The following ZRANB3 variants were observed in gnomAD, a reference collection of about 807,000 sequenced individuals.
The protein encoded by ZRANB3 is zinc finger RANBP2-type containing 3.
In ZRANB3, 125 loss-of-function variants were observed where a neutral mutation model predicts 133.8. The ratio of observed to expected loss-of-function variants is 0.93; its 90% CI spans 0.81 to 1.08. The LOEUF is 1.08. Among genes scored for constraint, ZRANB3 ranks in the 50% least tolerant of loss-of-function variants. ZRANB3 has a pLI of 0.00. For synonymous variants in ZRANB3, 387 were observed against 432.7 expected (o/e 0.89, Z 1.31); for missense variants, 1,229 against 1,275.5 (o/e 0.96, Z 0.56).
At chr2:135,287,572 G>T (rs1226337366) in intron 8 of ZRANB3, among the ~76,000 whole-genome samples, 1 of 149,768 alleles carries the variant, frequency 6.7e-6, no homozygotes, top group Non-Finnish European at 1.5e-5. Flanking sequence ...GTGTTGACGT[G>T]TTTCCATTTG....
rs1414445158 is a variant in ZRANB3, at chr2:135,353,642, T to A, written c.181-14A>T. ...TCCTAGACCCATCTAAATTAAAAAATAAATAAATGTTAATAATAGAGCCTA... is the reference window on the plus strand; with the variant it reads ...TCCTAGACCCATCTAAATTAAAAAAAAAATAAATGTTAATAATAGAGCCTA... On this transcript the variant is annotated splice_polypyrimidine_tract_variant and intron_variant, in intron 3 of 20. Transcript: ENST00000264159. 3.6e-6 allele frequency: 5 copies of A among 1,401,642 alleles called. No homozygotes were observed. The highest frequency in any genetic ancestry group is 1.6e-5 in the South Asian group (1 of 61,118). The allele number at this position is 1,401,642 out of a possible 1,614,324, so 86.8% of individuals were successfully genotyped here. A position where few individuals can be genotyped will look rare whatever the true frequency, so the allele number is the denominator to read the frequency against.
intron 8 of ZRANB3, among the ~76,000 whole-genome samples, chr2:135,305,242 G>A (rs1205145366): frequency 1.3e-5 from 2 of 152,184 alleles, no homozygotes; most frequent in Non-Finnish European, 1.5e-5. Context: ...TTACAGGCGT[G>A]AGCCACTGTG....
At chr2:135,495,760 G>T (rs980055912) in intron 2 of ZRANB3, among the ~76,000 whole-genome samples, 97 of 152,200 alleles carry the variant, frequency 6.4e-4, no homozygotes, top group African/African-American at 2.2e-3. Flanking sequence ...TTAGAAAGAG[G>T]CCTACTCTGA....
At chr2:135,392,402 A>G (rs1429750281) in intron 2 of ZRANB3, among the ~76,000 whole-genome samples, 1 of 148,994 alleles carries the variant, frequency 6.7e-6, no homozygotes, top group Non-Finnish European at 1.5e-5. Flanking sequence ...TTGTTCCTTT[A>G]TTCCCAGTTG....
At chr2:135,518,056 C>T (rs949213740) in intron 1 of ZRANB3, among the ~76,000 whole-genome samples, 2 of 152,080 alleles carry the variant, frequency 1.3e-5, no homozygotes, top group African/African-American at 4.8e-5. Flanking sequence ...TTGTTTACAC[C>T]GTGAGGGGAA....
At chr2:135,268,819 C>A in intron 11 of ZRANB3, 143 bp downstream of exon 11, 1 of 739,100 alleles carries the variant, frequency 1.4e-6, no homozygotes, top group Non-Finnish European at 2.1e-6. Flanking sequence ...GAAGCCTTTT[C>A]TTAACTTGGT....
At chr2:135,404,945 A>G (rs1687934860) in intron 2 of ZRANB3, among the ~76,000 whole-genome samples, 4 of 152,232 alleles carry the variant, frequency 2.6e-5, no homozygotes, top group Admixed American at 6.5e-5. Context: ...CATTATAATG[A>G]CAGGATCAAA....
intron 2 of ZRANB3, among the ~76,000 whole-genome samples, chr2:135,466,556 T>TAA (rs930264828): frequency 8.5e-5 from 13 of 152,126 alleles, no homozygotes; most frequent in East Asian, 7.7e-4. Context: ...AACTTGCCAC[T>TAA]AAAAGCTGTT....
intron 2 of ZRANB3, among the ~76,000 whole-genome samples, chr2:135,485,887 A>G (rs1261677365): frequency 6.6e-6 from 1 of 152,186 alleles, no homozygotes; most frequent in Non-Finnish European, 1.5e-5. Flanking sequence ...TTCTTCTTAT[A>G]TCTCCTCAGA....
In ZRANB3 at chr2:135,429,997, C is replaced by G. The variant is rs190702800; in HGVS notation, c.162-39177G>C. ...CAGTAGTTAGGCAACATGGTGAAAA[C>G]CTGTCTCTACAAAAAATTCTTAAAA... On this transcript the variant is annotated intron_variant, in intron 2 of 20. Transcript: ENST00000264159. 5.6e-3 allele frequency among the ~76,000 whole-genome samples: 849 copies of G among 151,842 alleles called. 7 individuals carry two copies. Among genetic ancestry groups the G allele is most frequent in the African/African-American group, 0.019 (792 of 41,410 alleles).
At chr2:135,222,227 AC>A (rs1427172906) in intron 15 of ZRANB3, among the ~76,000 whole-genome samples, 1 of 151,882 alleles carries the variant, frequency 6.6e-6, no homozygotes, top group Non-Finnish European at 1.5e-5. Flanking sequence ...ACACAGTGGA[AC>A]CCTGTCTCTA....
At chr2:135,496,825 C>G (rs1363409686) in intron 2 of ZRANB3, among the ~76,000 whole-genome samples, 1 of 152,154 alleles carries the variant, frequency 6.6e-6, no homozygotes, top group East Asian at 1.9e-4. Flanking sequence ...TTTTGAAAGT[C>G]TTCAGGCTTC....
intron 8 of ZRANB3, among the ~76,000 whole-genome samples, chr2:135,295,814 T>G (rs991000056): frequency 1.3e-5 from 2 of 152,210 alleles, no homozygotes; most frequent in African/African-American, 2.4e-5. Flanking sequence ...CTGTAAAGGA[T>G]TTTATTTCTC....
intron 2 of ZRANB3, among the ~76,000 whole-genome samples, chr2:135,395,437 G>C (rs988543773): frequency 7.1e-6 from 1 of 140,818 alleles, no homozygotes; most frequent in Admixed American, 7.1e-5. Context: ...AATGGGCAAA[G>C]ATTTCTTTTT....
Position 135,260,016 on chromosome 2 carries a change from T to A in ZRANB3, c.1539+5518A>T, listed in dbSNP as rs540402688. Reference sequence around the variant, plus strand: ...CCACAGCTAGAGCTAGAGGAAGAGATACTTGTTAGATGAAGGCAGCAAAAT... The same window carrying A: ...CCACAGCTAGAGCTAGAGGAAGAGAAACTTGTTAGATGAAGGCAGCAAAAT... On this transcript the variant is annotated intron_variant, in intron 12 of 20. Coordinates refer to ENST00000264159, the MANE Select transcript of ZRANB3 (RefSeq NM_032143.4). 6.6e-5 allele frequency among the ~76,000 whole-genome samples: 10 copies of A among 152,236 alleles called. No individual in the cohort carries two copies. In the South Asian group the frequency reaches 1.9e-3, roughly 28 times the overall value.
intron 19 of ZRANB3, among the ~76,000 whole-genome samples, chr2:135,206,617 A>G (rs1368931357): frequency 1.3e-5 from 2 of 151,754 alleles, no homozygotes; most frequent in East Asian, 3.9e-4. Context: ...GTTGGGTGTG[A>G]TAACTCATAC....
chr2:135,271,756 G>A lies in ZRANB3; in HGVS notation c.1206+12C>T. 6.2e-7 allele frequency: 1 copy of A among 1,601,748 alleles called. No homozygotes were observed. The highest frequency in any genetic ancestry group is 8.5e-7 in the Non-Finnish European group (1 of 1,176,030). ...ACATTTCATAACCAAATTTAGACTTGAAATTTCTTACCTGGCCAGCAGCCT... is the reference window on the plus strand; with the variant it reads ...ACATTTCATAACCAAATTTAGACTTAAAATTTCTTACCTGGCCAGCAGCCT... On this transcript the variant is annotated intron_variant, in intron 10 of 20. Coordinates refer to ENST00000264159, the MANE Select transcript of ZRANB3 (RefSeq NM_032143.4).
intron 2 of ZRANB3, among the ~76,000 whole-genome samples, chr2:135,438,861 G>A (rs938650004): frequency 6.6e-6 from 1 of 152,110 alleles, no homozygotes; most frequent in African/African-American, 2.4e-5. Flanking sequence ...CTCCTTTAAT[G>A]TTAATGAAGA....
At chr2:135,485,399 G>A (rs1359922065) in intron 2 of ZRANB3, among the ~76,000 whole-genome samples, 1 of 152,166 alleles carries the variant, frequency 6.6e-6, no homozygotes, top group Non-Finnish European at 1.5e-5. Context: ...TAAGGCAGGG[G>A]CATGTATGAG....
Sources: allele counts gnomAD v4.1 joint callset (sites outside exome capture counted in the v4.1 genomes callset), GRCh38; gene constraint gnomAD v4.1.1; transcripts MANE v1.5; gene names NCBI Gene and HGNC (gene_info 2026-07-23, HGNC 2026-07-21).